CACHD1: variants seen among roughly 807,000 people sequenced by gnomAD.
CACHD1 encodes the protein cache domain containing 1.
A neutral mutation model predicts 138.7 loss-of-function variants in CACHD1; 71 were observed. The ratio of observed to expected loss-of-function variants is 0.51; its 90% CI spans 0.42 to 0.62. The LOEUF is 0.62. Among genes scored for constraint, CACHD1 ranks in the 20% least tolerant of loss-of-function variants. The probability of loss-of-function intolerance (pLI) is 0.00; values close to 1 mark genes in which losing one functional copy is unlikely to be tolerated. For missense variants in CACHD1, 1,389 were observed against 1,625.3 expected, an observed-to-expected ratio of 0.85 and a Z score of 2.50; for synonymous variants, 578 against 591.5, an observed-to-expected ratio of 0.98 and a Z score of 0.33.
At chr1:64,479,449 A>AG (rs1308511735) in intron 1 of CACHD1, among the ~76,000 whole-genome samples, 1 of 152,286 alleles carries the variant, frequency 6.6e-6, no homozygotes, top group East Asian at 1.9e-4. Context: ...ACCTCCCAGA[A>AG]GGCTCCTTTT....
chr1:64,493,244 C>T (rs1413053442), intron 1 of CACHD1, among the ~76,000 whole-genome samples: 1 of 152,176 alleles, frequency 6.6e-6, no homozygotes, highest in Non-Finnish European at 1.5e-5. Flanking sequence ...GGACATTCCA[C>T]TTATTACTAT....
At chr1:64,666,726 A>G (rs548669575) in intron 16 of CACHD1, among the ~76,000 whole-genome samples, 57 of 151,936 alleles carry the variant, frequency 3.8e-4, no homozygotes, top group African/African-American at 1.3e-3. Context: ...AAATAAAATA[A>G]TTAATCAGGC....
chr1:64,664,188 G>A, intron 14 of CACHD1: 1 of 455,460 alleles, frequency 2.2e-6, no homozygotes, highest in South Asian at 3.8e-5. Flanking sequence ...TAAGTATAAA[G>A]TTTAAGGAAC....
chr1:64,509,829 T>C (rs1283426296), intron 1 of CACHD1, among the ~76,000 whole-genome samples: 1 of 152,238 alleles, frequency 6.6e-6, no homozygotes, highest in Non-Finnish European at 1.5e-5. Flanking sequence ...GAGACAATGA[T>C]TCTCAAACGA....
At chr1:64,541,928 T>G (rs753066220) in intron 1 of CACHD1, among the ~76,000 whole-genome samples, 10 of 152,162 alleles carry the variant, frequency 6.6e-5, no homozygotes, top group Non-Finnish European at 8.8e-5. Context: ...TAATAGAATG[T>G]TATTATAGTC....
chr1:64,634,289 G>GGCAT (rs772321759), intron 7 of CACHD1, 29 bp downstream of exon 7: 12 of 1,551,338 alleles, frequency 7.7e-6, no homozygotes, highest in African/African-American at 4.1e-5. Flanking sequence ...AGGACTTAGA[G>GGCAT]GCATAGTAGA....
chr1:64,524,211 A>T (rs754770205), intron 1 of CACHD1, among the ~76,000 whole-genome samples: 1 of 152,186 alleles, frequency 6.6e-6, no homozygotes, highest in Non-Finnish European at 1.5e-5. Context: ...TGTGCTTTCA[A>T]TGAAACTATT....
In CACHD1 at chr1:64,673,481, C is replaced by G. The variant is rs141413352; in HGVS notation, c.2727+17C>G. 1.7e-3 allele frequency: 2,617 copies of G among 1,548,046 alleles called. 36 individuals carry two copies. The African/African-American group carries it at 0.032, about 19-fold the overall frequency. On this transcript the variant is annotated intron_variant, in intron 19 of 26. Coordinates refer to ENST00000651257, the MANE Select transcript of CACHD1 (RefSeq NM_020925.4). ...AGCCTTGCGGTAAGTTGATCTGATT[C>G]CTTAACACTCTCATTTTTCCATCCC...
chr1:64,592,048 T>C (rs1647110660), intron 3 of CACHD1, among the ~76,000 whole-genome samples: 2 of 152,248 alleles, frequency 1.3e-5, no homozygotes, highest in South Asian at 4.1e-4. Context: ...ATTAACAAGC[T>C]ACTTACCTTC....
At chr1:64,588,086 G>A (rs919776656) in intron 3 of CACHD1, among the ~76,000 whole-genome samples, 5 of 152,102 alleles carry the variant, frequency 3.3e-5, no homozygotes, top group African/African-American at 1.2e-4. Flanking sequence ...GACCTGATGT[G>A]TTATACCCAA....
rs781485621 is a variant in CACHD1, at chr1:64,647,913, G to C, written c.1269G>C (p.Met423Ile). ...CCTTGCCTGTGATTAAGGGCAGCAT[G>C]ATGGTGCTGAATCAGTTGAGCAACC... ...RMALPVIKGS[M>I]MVLNQLSNLE... Residue 423 changes from methionine (M) to isoleucine (I), a missense_variant, in exon 9 of 27, where the codon ATG becomes ATC. This residue lies in a region of CACHD1 where 1,000 missense variants were observed against 1,114.7 expected (regional missense o/e 0.90). Coordinates refer to ENST00000651257, the MANE Select transcript of CACHD1 (RefSeq NM_020925.4). 2 of 1,614,172 alleles carry C rather than the reference G, an allele frequency of 1.2e-6. No homozygotes were observed. The highest frequency in any genetic ancestry group is 1.7e-6 in the Non-Finnish European group (2 of 1,179,990).
At chr1:64,658,958 C>T (rs1450808099) in intron 13 of CACHD1, 85 bp downstream of exon 13, 5 of 1,185,442 alleles carry the variant, frequency 4.2e-6, no homozygotes, top group South Asian at 3.7e-5. Context: ...CCCACCCCTC[C>T]AAAAAAGATA....
intron 1 of CACHD1, among the ~76,000 whole-genome samples, chr1:64,504,889 G>T (rs543979603): frequency 6.6e-6 from 1 of 151,998 alleles, no homozygotes; most frequent in African/African-American, 2.4e-5. Flanking sequence ...TTGTGAAGAC[G>T]GTGCGAGGAT....
chr1:64,506,358 A>C (rs1473517504), intron 1 of CACHD1: 1 of 152,164 alleles, frequency 6.6e-6, no homozygotes, highest in Non-Finnish European at 1.5e-5. Flanking sequence ...AAATACTCTT[A>C]CCTGCGTTAT....
At chr1:64,487,365 T>A (rs971959922) in intron 1 of CACHD1, among the ~76,000 whole-genome samples, 1 of 152,182 alleles carries the variant, frequency 6.6e-6, no homozygotes, top group Non-Finnish European at 1.5e-5. Context: ...TGCCTTGGGC[T>A]CACTCTGATT....
At chr1:64,685,516 A>AG (rs1017637462) in intron 26 of CACHD1, among the ~76,000 whole-genome samples, 1 of 152,104 alleles carries the variant, frequency 6.6e-6, no homozygotes, top group Non-Finnish European at 1.5e-5. Flanking sequence ...CTTAGGAGAT[A>AG]GGGTAAAGCC....
intron 17 of CACHD1, 27 bp from the exon 18 acceptor site, chr1:64,673,131 T>A: frequency 1.3e-6 from 2 of 1,515,730 alleles, no homozygotes; most frequent in Admixed American, 1.8e-5. Flanking sequence ...CTGATATGAA[T>A]GAGGGGCATA....
intron 2 of CACHD1, among the ~76,000 whole-genome samples, chr1:64,576,026 C>A (rs1646964279): frequency 6.6e-6 from 1 of 152,140 alleles, no homozygotes; most frequent in African/African-American, 2.4e-5. Flanking sequence ...AATCCGTTCC[C>A]ATGGGGACCG....
intron 2 of CACHD1, among the ~76,000 whole-genome samples, chr1:64,579,528 C>T (rs1213863736): frequency 6.6e-6 from 1 of 152,050 alleles, no homozygotes; most frequent in African/African-American, 2.4e-5. Flanking sequence ...TTCCCAAGGG[C>T]AATAAAGGAC....
Sources: gnomAD v4.1 joint callset for allele counts (sites outside exome capture counted in the v4.1 genomes callset) on GRCh38, gnomAD v4.1.1 for gene constraint, gnomAD v4.1.1 regional missense constraint, MANE v1.5 for transcripts, NCBI Gene and HGNC (gene_info 2026-07-23, HGNC 2026-07-21) for gene names.